Variants in FSTL5 observed in about 807,000 individuals in gnomAD.
The protein encoded by FSTL5 is follistatin like 5, also known as follistatin-related protein 5.
In FSTL5, 62 loss-of-function variants were observed where a neutral mutation model predicts 89.1. The observed-to-expected ratio is 0.70, with a 90% CI of 0.57 to 0.86. The LOEUF (loss-of-function observed/expected upper bound fraction) is 0.86. FSTL5 is among the 40% of genes least tolerant of loss of function. The pLI, the probability that FSTL5 is intolerant of heterozygous loss-of-function variation, is 0.00. For synonymous variants in FSTL5, 383 were observed against 346.2 expected, an observed-to-expected ratio of 1.11 and a Z score of -1.18; for missense variants, 1,057 against 1,001.6, an observed-to-expected ratio of 1.06 and a Z score of -0.75.
intron 10 of FSTL5, among the ~76,000 whole-genome samples, chr4:161,519,201 G>C (rs1038196152): frequency 6.6e-6 from 1 of 152,166 alleles, no homozygotes; most frequent in Non-Finnish European, 1.5e-5. Context: ...GGTGTGTATT[G>C]CAAGAGATGA....
At chr4:161,618,652 C>A (rs534801074) in intron 7 of FSTL5, among the ~76,000 whole-genome samples, 22 of 152,224 alleles carry the variant, frequency 1.4e-4, no homozygotes, top group Non-Finnish European at 1.5e-4. Context: ...ATTGAACTAG[C>A]TTTGTATCCC....
intron 6 of FSTL5, among the ~76,000 whole-genome samples, chr4:161,720,246 G>T (rs929464706): frequency 6.7e-6 from 1 of 149,784 alleles, no homozygotes; most frequent in East Asian, 1.9e-4. Context: ...TACAAATAGC[G>T]TACAGATACA....
intron 1 of FSTL5, among the ~76,000 whole-genome samples, chr4:162,159,529 A>T (rs2110762656): frequency 6.6e-6 from 1 of 152,188 alleles, no homozygotes; most frequent in African/African-American, 2.4e-5. Flanking sequence ...AATATTAATT[A>T]CTTGATTTTA....
intron 15 of FSTL5, among the ~76,000 whole-genome samples, chr4:161,427,730 A>C (rs1732213125): frequency 6.6e-6 from 1 of 152,182 alleles, no homozygotes. Flanking sequence ...CGTAAAGACA[A>C]TGTCTGATAA....
chr4:162,035,623 G>A (rs1737707494), intron 2 of FSTL5, among the ~76,000 whole-genome samples: 1 of 151,998 alleles, frequency 6.6e-6, no homozygotes, highest in South Asian at 2.1e-4. Context: ...TAGGACTTTG[G>A]TTTTTACTCT....
intron 6 of FSTL5, among the ~76,000 whole-genome samples, chr4:161,673,959 C>T (rs1257372094): frequency 6.6e-6 from 1 of 151,618 alleles, no homozygotes; most frequent in Non-Finnish European, 1.5e-5. Context: ...AAATTAAGGC[C>T]ATTTTAAGAC....
At chr4:161,611,837 T>C (rs1294761794) in intron 7 of FSTL5, among the ~76,000 whole-genome samples, 4 of 152,160 alleles carry the variant, frequency 2.6e-5, no homozygotes, top group Non-Finnish European at 5.9e-5. Flanking sequence ...AGCAAAGACC[T>C]GGGGAAGGCC....
chr4:161,480,251 G>A (rs770508075), intron 13 of FSTL5, among the ~76,000 whole-genome samples: 2 of 152,108 alleles, frequency 1.3e-5, no homozygotes, highest in Non-Finnish European at 2.9e-5. Flanking sequence ...AACTTCGTAA[G>A]ATACATATAT....
chr4:161,420,962 A>G (rs1731968619), intron 15 of FSTL5, among the ~76,000 whole-genome samples: 1 of 151,950 alleles, frequency 6.6e-6, no homozygotes, highest in Non-Finnish European at 1.5e-5. Flanking sequence ...TTGGCATTAC[A>G]TAATTTTCAT....
At chr4:161,548,557 G>A (rs1258615319) in intron 8 of FSTL5, among the ~76,000 whole-genome samples, 1 of 151,760 alleles carries the variant, frequency 6.6e-6, no homozygotes, top group Non-Finnish European at 1.5e-5. Flanking sequence ...TTTTTCCAAT[G>A]AGTGTATACT....
intron 3 of FSTL5, among the ~76,000 whole-genome samples, chr4:162,026,577 G>A (rs555157288): frequency 2.6e-5 from 4 of 151,778 alleles, no homozygotes; most frequent in South Asian, 2.1e-4. Flanking sequence ...CAAAGTGCTG[G>A]GATTATAGGC....
At chr4:161,459,369 T>A (rs1733480089) in intron 13 of FSTL5, 50 bp from the exon 14 acceptor site, 1 of 1,148,186 alleles carries the variant, frequency 8.7e-7, no homozygotes, top group Non-Finnish European at 1.3e-6. Flanking sequence ...ACTATTAGTT[T>A]AAAGCTAGGC....
chr4:162,001,110 G>A lies in FSTL5; in HGVS notation c.160+32515C>T, dbSNP rs371768357. Among the ~76,000 whole-genome samples, 19 of 152,244 alleles carry A rather than the reference G, an allele frequency of 1.2e-4. 1 individual carries two copies. Among genetic ancestry groups the A allele is most frequent in the Middle Eastern group, 6.8e-3 (2 of 294 alleles). On this transcript the variant is annotated intron_variant, in intron 3 of 15. Coordinates refer to ENST00000306100, the MANE Select transcript of FSTL5 (RefSeq NM_020116.5). The stretch of plus-strand genomic sequence containing the variant: ...AAAAATGCAAGCACAATGACAAGAA[G>A]AAGCCCTGTAGTTTTTGTCATTTTG...
Position 161,861,426 on chromosome 4 carries a change from AAGAG to A in FSTL5, c.409+58974_409+58977del, listed in dbSNP as rs534971627. 2.9e-3 allele frequency among the ~76,000 whole-genome samples: 443 copies of A among 151,850 alleles called. 1 individual carries two copies. The highest frequency in any genetic ancestry group is 6.8e-3 in the Middle Eastern group (2 of 292). ...GTGAGACTCCGTCTTCAAAGAAAGAAAGAGAGAGAGAGAGAAAGAAAGAAAGAGA... is the reference window on the plus strand; with the variant it reads ...GTGAGACTCCGTCTTCAAAGAAAGAAAGAGAGAGAGAAAGAAAGAAAGAGA... On this transcript the variant is annotated intron_variant, in intron 4 of 15. Coordinates refer to ENST00000306100, the MANE Select transcript of FSTL5 (RefSeq NM_020116.5).
intron 15 of FSTL5, among the ~76,000 whole-genome samples, chr4:161,446,334 T>C (rs1165468811): frequency 6.6e-6 from 1 of 152,122 alleles, no homozygotes; most frequent in Non-Finnish European, 1.5e-5. Flanking sequence ...ACCATTATTT[T>C]ATGTATGTAT....
At chr4:162,046,529 A>T (rs1300976238) in intron 2 of FSTL5, among the ~76,000 whole-genome samples, 3 of 152,098 alleles carry the variant, frequency 2.0e-5, no homozygotes, top group Admixed American at 6.6e-5. Flanking sequence ...GATTATATAA[A>T]AATACATTCA....
intron 1 of FSTL5, among the ~76,000 whole-genome samples, chr4:162,148,300 G>T (rs958513857): frequency 4.6e-5 from 7 of 152,054 alleles, no homozygotes; most frequent in Non-Finnish European, 7.4e-5. Context: ...ACTGAAAAAT[G>T]GCTGAACACA....
intron 6 of FSTL5, among the ~76,000 whole-genome samples, chr4:161,663,841 C>T (rs1175638675): frequency 6.6e-6 from 1 of 152,212 alleles, no homozygotes; most frequent in African/African-American, 2.4e-5. Context: ...GCCTGGGCAT[C>T]CAGGCATTTC....
intron 8 of FSTL5, among the ~76,000 whole-genome samples, chr4:161,564,866 A>G (rs961932003): frequency 1.3e-5 from 2 of 151,858 alleles, no homozygotes; most frequent in Non-Finnish European, 2.9e-5. Context: ...AAATCAAAAA[A>G]TGAGCTGGAG....
Sources: gnomAD v4.1 joint callset for allele counts (sites outside exome capture counted in the v4.1 genomes callset) on GRCh38, gnomAD v4.1.1 for gene constraint, MANE v1.5 for transcripts, NCBI Gene and HGNC (gene_info 2026-07-23, HGNC 2026-07-21) for gene names.